The following OSTN variants were observed in gnomAD, a reference collection of about 807,000 sequenced individuals.
OSTN encodes the protein osteocrin.
In OSTN, 9 loss-of-function variants were observed where a neutral mutation model predicts 12.0. The ratio of observed to expected loss-of-function variants is 0.75; its 90% CI spans 0.45 to 1.30. OSTN has a LOEUF of 1.30. OSTN is among the 50% of genes most tolerant of loss of function. The pLI is 0.00. For missense variants in OSTN, 148 were observed against 152.3 expected (o/e 0.97, Z 0.15); for synonymous variants, 59 against 56.9 (o/e 1.04, Z -0.16).
chr3:191,227,231 A>C (rs961951036), intron 3 of OSTN, among the ~76,000 whole-genome samples: 2 of 152,214 alleles, frequency 1.3e-5, no homozygotes, highest in African/African-American at 4.8e-5. Context: ...TAGCCATGTG[A>C]AAAGATGCAT....
At position 191,264,917 on chromosome 3, in the gene OSTN, A is replaced by C. The variant is rs1715888701; in HGVS notation, c.*2064A>C. ...TGACATCCAACTTAATTAAAATAAGAAGTCACAATATAGTGATTTATGCTA... is the reference window on the plus strand; with the variant it reads ...TGACATCCAACTTAATTAAAATAAGCAGTCACAATATAGTGATTTATGCTA... On this transcript the variant is annotated 3_prime_UTR_variant, in exon 5 of 5. Transcript: ENST00000682035. 6.6e-6 allele frequency: 1 copy of C among 152,186 alleles called. No individual in the cohort carries two copies. The allele number at this position is 152,186 out of a possible 1,614,324, so 9.4% of individuals were successfully genotyped here. A position where few individuals can be genotyped will look rare whatever the true frequency, so the allele number is the denominator to read the frequency against.
At chr3:191,255,489 C>T (rs1238470084) in intron 4 of OSTN, among the ~76,000 whole-genome samples, 1 of 152,162 alleles carries the variant, frequency 6.6e-6, no homozygotes, top group Non-Finnish European at 1.5e-5. Flanking sequence ...TATACCACTC[C>T]ACTCAAATCC....
intron 1 of OSTN, among the ~76,000 whole-genome samples, chr3:191,208,153 A>T (rs1011219786): frequency 1.3e-5 from 2 of 152,222 alleles, no homozygotes; most frequent in African/African-American, 4.8e-5. Context: ...CTAAAAAAAA[A>T]TGCAAACACC....
At chr3:191,213,105 G>A (rs929210035) in intron 2 of OSTN, among the ~76,000 whole-genome samples, 4 of 151,670 alleles carry the variant, frequency 2.6e-5, no homozygotes, top group Non-Finnish European at 5.9e-5. Flanking sequence ...TCCTGACCTC[G>A]AGATCCGCCC....
rs1715790884 is a variant in OSTN at position 191,260,783 on chromosome 3, A to G, written c.*13-2083A>G. 2.0e-5 allele frequency among the ~76,000 whole-genome samples: 3 copies of G among 152,186 alleles called. No homozygotes were observed. The South Asian group carries it at 6.2e-4, about 32-fold the overall frequency. ...CAAGCTCTCCAGGACATAAAACTGA[A>G]CAAGAGGGAACTTTATTTGGTATCC... On this transcript the variant is annotated intron_variant, in intron 4 of 4. Transcript: ENST00000682035.
intron 1 of OSTN, among the ~76,000 whole-genome samples, chr3:191,211,106 ACTT>A (rs1359210438): frequency 3.9e-5 from 6 of 152,122 alleles, no homozygotes; most frequent in Admixed American, 3.9e-4. Context: ...AAGTTTACTC[ACTT>A]CTTCATCTCT....
At chr3:191,200,654 C>CA (rs1012338995) in intron 1 of OSTN, among the ~76,000 whole-genome samples, 10 of 148,372 alleles carry the variant, frequency 6.7e-5, no homozygotes, top group Admixed American at 3.4e-4. Context: ...GTGAAAAGGA[C>CA]AAAAAAAAAT....
intron 4 of OSTN, among the ~76,000 whole-genome samples, chr3:191,251,272 AC>A (rs1715556125): frequency 6.6e-6 from 1 of 152,254 alleles, no homozygotes; most frequent in African/African-American, 2.4e-5. Flanking sequence ...TATGTTAAAC[AC>A]AGCATTTAAT....
intron 3 of OSTN, among the ~76,000 whole-genome samples, chr3:191,224,626 G>A (rs1465831574): frequency 6.6e-6 from 1 of 151,732 alleles, no homozygotes; most frequent in Admixed American, 6.6e-5. Context: ...ATATTCCAAA[G>A]AACAGATATA....
chr3:191,219,211 T>C (rs558784255), intron 3 of OSTN, among the ~76,000 whole-genome samples: 2 of 152,336 alleles, frequency 1.3e-5, no homozygotes, highest in South Asian at 4.1e-4. Context: ...CTTATGCAGA[T>C]ATAAAGCAGT....
intron 1 of OSTN, among the ~76,000 whole-genome samples, chr3:191,207,104 G>A (rs9825319): frequency 0.24 from 36,104 of 152,080 alleles, 4,732 homozygotes; most frequent in Middle Eastern, 0.48. Context: ...GTGCTCTGTC[G>A]CGGTGAGAAG....
At chr3:191,255,909 TAATC>T (rs1260902074) in intron 4 of OSTN, among the ~76,000 whole-genome samples, 2 of 152,102 alleles carry the variant, frequency 1.3e-5, no homozygotes, top group Non-Finnish European at 2.9e-5. Context: ...GATTTTTACC[TAATC>T]AAATTGTATA....
intron 1 of OSTN, among the ~76,000 whole-genome samples, chr3:191,207,419 C>T (rs1714306454): frequency 1.3e-5 from 2 of 151,500 alleles, no homozygotes; most frequent in Non-Finnish European, 2.9e-5. Flanking sequence ...CCAGACTTCA[C>T]ATGCAGATAG....
In OSTN at chr3:191,214,436, CAAAA is replaced by C. The variant is rs71298518; in HGVS notation, c.102+1825_102+1828del. On this transcript the variant is annotated intron_variant, in intron 2 of 4. Coordinates refer to ENST00000682035, the MANE Select transcript of OSTN (RefSeq NM_198184.2). ...CTGTTAACAGAGTGAGACTCCATCTCAAAAAAAAAAAAAAAAAAAAAAAAAACAG... is the reference window on the plus strand; with the variant it reads ...CTGTTAACAGAGTGAGACTCCATCTCAAAAAAAAAAAAAAAAAAAAAACAG... 2.2e-3 allele frequency among the ~76,000 whole-genome samples: 42 copies of C among 19,334 alleles called. No homozygotes were observed. In the East Asian group the frequency reaches 0.11, roughly 49 times the overall value. The allele number at this position is 19,334 out of a possible 152,430, so 12.7% of individuals were successfully genotyped here. A position where few individuals can be genotyped will look rare whatever the true frequency, so the allele number is the denominator to read the frequency against.
chr3:191,234,973 G>A (rs1474352470), intron 3 of OSTN, among the ~76,000 whole-genome samples: 1 of 152,112 alleles, frequency 6.6e-6, no homozygotes, highest in African/African-American at 2.4e-5. Context: ...GAGAGCAGAG[G>A]GAAGATAGCC....
intron 1 of OSTN, among the ~76,000 whole-genome samples, chr3:191,209,071 A>G (rs1378702519): frequency 6.6e-6 from 1 of 152,234 alleles, no homozygotes; most frequent in Non-Finnish European, 1.5e-5. Context: ...AGGCAGGAGA[A>G]TCGCTTAAAC....
intron 4 of OSTN, among the ~76,000 whole-genome samples, chr3:191,251,615 A>T (rs909851700): frequency 2.6e-5 from 4 of 152,196 alleles, no homozygotes; most frequent in Non-Finnish European, 5.9e-5. Context: ...TCGTTCTCAA[A>T]ATCACTCAGT....
At chr3:191,214,309 G>A (rs115745045) in intron 2 of OSTN, among the ~76,000 whole-genome samples, 2 of 151,732 alleles carry the variant, frequency 1.3e-5, no homozygotes, top group Non-Finnish European at 2.9e-5. Context: ...TTAGCTGGGG[G>A]TAGTGGTGGG....
At chr3:191,206,900 G>C (rs1263126107) in intron 1 of OSTN, among the ~76,000 whole-genome samples, 1 of 152,132 alleles carries the variant, frequency 6.6e-6, no homozygotes, top group East Asian at 1.9e-4. Context: ...GTGGGTAAAG[G>C]GTAACCTGAA....
Sources: gnomAD v4.1 joint callset for allele counts (sites outside exome capture counted in the v4.1 genomes callset) on GRCh38, gnomAD v4.1.1 for gene constraint, MANE v1.5 for transcripts, NCBI Gene and HGNC (gene_info 2026-07-23, HGNC 2026-07-21) for gene names.